The following CIB4 variants were observed in gnomAD, a reference collection of about 807,000 sequenced individuals.
CIB4 encodes the protein calcium and integrin binding family member 4.
A neutral mutation model predicts 25.8 loss-of-function variants in CIB4; 25 were observed. The ratio of observed to expected loss-of-function variants is 0.97; its 90% confidence interval spans 0.71 to 1.35. The LOEUF (loss-of-function observed/expected upper bound fraction) is 1.35, where lower values mean the gene tolerates loss of function less well. Among genes scored for constraint, CIB4 ranks in the 40% most tolerant of loss-of-function variants. The pLI is 0.00. For synonymous variants in CIB4, 75 were observed against 81.4 expected (o/e 0.92, Z 0.42); for missense variants, 235 against 228.2 (o/e 1.03, Z -0.19).
chr2:26,585,770 C>T (rs1041067241), intron 4 of CIB4, among the ~76,000 whole-genome samples: 11 of 152,066 alleles, frequency 7.2e-5, no homozygotes, highest in Non-Finnish European at 1.5e-4. Flanking sequence ...CTGGGTTTCT[C>T]CCCGAACTCC....
rs1424197561 is a variant in CIB4, at chr2:26,581,256, T to G, written c.*107A>C. ...ATAAACAATATTCTAGAGGTGAGTGTGGGCCCAGTACAAAGTCATACTTCA... is the reference window on the plus strand; with the variant it reads ...ATAAACAATATTCTAGAGGTGAGTGGGGGCCCAGTACAAAGTCATACTTCA... On this transcript the variant is annotated 3_prime_UTR_variant, in exon 7 of 7. Coordinates refer to ENST00000288861, the MANE Select transcript of CIB4 (RefSeq NM_001029881.3). 4 of 868,452 alleles carry G rather than the reference T, an allele frequency of 4.6e-6. No individual in the cohort carries two copies. The African/African-American group carries it at 4.9e-5, about 11-fold the overall frequency. The allele number at this position is 868,452 out of a possible 1,614,324, so 53.8% of individuals were successfully genotyped here.
In CIB4 at chr2:26,581,342, T is replaced by C. The variant is rs530236050; in HGVS notation, c.*21A>G. The C allele has an allele frequency of 1.2e-5, 20 of 1,608,240 alleles. No individual in the cohort carries two copies. The African/African-American group carries it at 2.0e-4, about 16-fold the overall frequency. On this transcript the variant is annotated 3_prime_UTR_variant, in exon 7 of 7. Transcript: ENST00000288861. ...CCTGTGGTCTCCCTCGAGGCTGCCA[T>C]GTCAGGTGTTTGCCGCTACATCAGC...
At chr2:26,624,145 G>A (rs534090645) in intron 3 of CIB4, among the ~76,000 whole-genome samples, 1 of 152,226 alleles carries the variant, frequency 6.6e-6, no homozygotes, top group South Asian at 2.1e-4. Flanking sequence ...CTTTTTCCAC[G>A]AGTGAACCCA....
At chr2:26,618,877 AC>A (rs1420950328) in intron 3 of CIB4, among the ~76,000 whole-genome samples, 3 of 152,286 alleles carry the variant, frequency 2.0e-5, no homozygotes, top group African/African-American at 7.2e-5. Flanking sequence ...GGCATCTCCC[AC>A]CGGCCTCTCT....
chr2:26,612,432 T>C (rs898247330), intron 3 of CIB4, among the ~76,000 whole-genome samples: 1 of 152,214 alleles, frequency 6.6e-6, no homozygotes, highest in Non-Finnish European at 1.5e-5. Context: ...TGTGGATTAT[T>C]CTACAGGGTT....
At chr2:26,606,611 T>C (rs1279107555) in intron 3 of CIB4, among the ~76,000 whole-genome samples, 4 of 152,100 alleles carry the variant, frequency 2.6e-5, no homozygotes, top group Non-Finnish European at 5.9e-5. Context: ...TCTAGCTGGT[T>C]GGTATGACCC....
intron 2 of CIB4, among the ~76,000 whole-genome samples, chr2:26,631,684 G>A (rs1235014163): frequency 6.6e-6 from 1 of 152,160 alleles, no homozygotes; most frequent in Non-Finnish European, 1.5e-5. Context: ...AAACTATGCT[G>A]GGATTCTGTG....
chr2:26,605,077 G>T (rs114265077), intron 3 of CIB4, among the ~76,000 whole-genome samples: 5,108 of 152,132 alleles, frequency 0.034, 142 homozygotes, highest in South Asian at 0.12. Context: ...TACAGAAAAT[G>T]TTATTTGAAC....
At chr2:26,600,572 C>T (rs1049557705) in intron 3 of CIB4, among the ~76,000 whole-genome samples, 21 of 152,132 alleles carry the variant, frequency 1.4e-4, no homozygotes, top group Non-Finnish European at 2.6e-4. Flanking sequence ...TGAGTGGAGT[C>T]CTCAGTTTAC....
intron 3 of CIB4, among the ~76,000 whole-genome samples, chr2:26,609,347 A>G (rs1427333109): frequency 6.6e-6 from 1 of 151,996 alleles, no homozygotes; most frequent in Non-Finnish European, 1.5e-5. Context: ...CAAATGCTAC[A>G]AGCCAGGGCC....
intron 2 of CIB4, among the ~76,000 whole-genome samples, chr2:26,633,315 G>A (rs1349032370): frequency 6.6e-6 from 1 of 152,334 alleles, no homozygotes. Flanking sequence ...ACTCTCTGTG[G>A]GAGAAGTGGA....
rs1016100670 is a variant in CIB4 at position 26,616,173 on chromosome 2, T to C, written c.186+13237A>G. 5.3e-5 allele frequency among the ~76,000 whole-genome samples: 8 copies of C among 152,320 alleles called. No individual in the cohort carries two copies. In the East Asian group the frequency reaches 1.5e-3, roughly 29 times the overall value. On this transcript the variant is annotated intron_variant, in intron 3 of 6. Coordinates refer to ENST00000288861, the MANE Select transcript of CIB4 (RefSeq NM_001029881.3). ...CTTGAGGAGTAAGTGAGATGATGCATGTGTGACATCCCACACCGTGCTGGG... is the reference window on the plus strand; with the variant it reads ...CTTGAGGAGTAAGTGAGATGATGCACGTGTGACATCCCACACCGTGCTGGG...
chr2:26,596,271 G>A (rs1001116744), intron 3 of CIB4, among the ~76,000 whole-genome samples: 1 of 152,124 alleles, frequency 6.6e-6, no homozygotes, highest in Non-Finnish European at 1.5e-5. Flanking sequence ...TCATCGAGGG[G>A]GGTGGCTGCT....
At chr2:26,605,582 G>C (rs980750803) in intron 3 of CIB4, 4 of 470,586 alleles carry the variant, frequency 8.5e-6, no homozygotes, top group Non-Finnish European at 1.8e-5. Flanking sequence ...TCCTAGTTCT[G>C]GGTCTGAACC....
At chr2:26,636,345 T>A (rs1669532571) in intron 2 of CIB4, among the ~76,000 whole-genome samples, 1 of 152,220 alleles carries the variant, frequency 6.6e-6, no homozygotes, top group Non-Finnish European at 1.5e-5. Context: ...ATAATCACTT[T>A]CAGTTTTTTG....
At chr2:26,615,886 G>A (rs1025545806) in intron 3 of CIB4, among the ~76,000 whole-genome samples, 27 of 152,246 alleles carry the variant, frequency 1.8e-4, no homozygotes, top group African/African-American at 6.3e-4. Context: ...CCTGCTAACT[G>A]ATGAAGTTGT....
In CIB4 at chr2:26,583,782, C is replaced by T. The variant is rs569235885; in HGVS notation, c.438+7G>A. 5.2e-5 allele frequency: 83 copies of T among 1,583,232 alleles called. 1 individual carries two copies. The South Asian group carries it at 9.1e-4, about 17-fold the overall frequency. On this transcript the variant is annotated splice_region_variant and intron_variant, in intron 5 of 6. Coordinates refer to ENST00000288861, the MANE Select transcript of CIB4 (RefSeq NM_001029881.3). ...CCAGCCACCAACTCCCAGCCCCCAGCACACACGTGGTTCGTGAGGTCCATC... is the reference window on the plus strand; with the variant it reads ...CCAGCCACCAACTCCCAGCCCCCAGTACACACGTGGTTCGTGAGGTCCATC...
intron 3 of CIB4, among the ~76,000 whole-genome samples, chr2:26,603,336 T>C (rs959500778): frequency 6.6e-6 from 1 of 152,236 alleles, no homozygotes; most frequent in African/African-American, 2.4e-5. Context: ...GAGCAAAGTT[T>C]GTATTGCATT....
chr2:26,606,858 G>A (rs1206259853), intron 3 of CIB4, among the ~76,000 whole-genome samples: 22 of 152,294 alleles, frequency 1.4e-4, no homozygotes, highest in Admixed American at 1.4e-3. Context: ...GTGACAGATG[G>A]GCTGGCAGGG....
Sources: allele counts gnomAD v4.1 joint callset (sites outside exome capture counted in the v4.1 genomes callset), GRCh38; gene constraint gnomAD v4.1.1; transcripts MANE v1.5; gene names NCBI Gene and HGNC (gene_info 2026-07-23, HGNC 2026-07-21).